RPN2: variants seen among roughly 807,000 people sequenced by gnomAD.
RPN2 encodes dolichyl-diphosphooligosaccharide--protein glycosyltransferase subunit 2.
In RPN2, 29 loss-of-function variants were observed where a neutral mutation model predicts 71.4. The ratio of observed to expected loss-of-function variants is 0.41; its 90% CI spans 0.30 to 0.55. The LOEUF (loss-of-function observed/expected upper bound fraction) is 0.55. Among genes scored for constraint, RPN2 ranks in the 20% least tolerant of loss-of-function variants. The probability of loss-of-function intolerance (pLI) is 0.35; values close to 1 mark genes in which losing one functional copy is unlikely to be tolerated. For missense variants in RPN2, 726 were observed against 774.1 expected, an observed-to-expected ratio of 0.94 and a Z score of 0.74; for synonymous variants, 308 against 305.0, an observed-to-expected ratio of 1.01 and a Z score of -0.10.
At chr20:37,215,561 TC>T (rs2067786816) in intron 9 of RPN2, among the ~76,000 whole-genome samples, 1 of 152,184 alleles carries the variant, frequency 6.6e-6, no homozygotes, top group Non-Finnish European at 1.5e-5. Context: ...AACCTCTTCT[TC>T]CCTGTACTTC....
At chr20:37,205,220 T>C (rs998215064) in intron 6 of RPN2, among the ~76,000 whole-genome samples, 9 of 151,928 alleles carry the variant, frequency 5.9e-5, no homozygotes, top group Non-Finnish European at 1.3e-4. Context: ...TTTCTGCTTG[T>C]CGCCTGAATG....
intron 7 of RPN2, among the ~76,000 whole-genome samples, chr20:37,208,407 GGTTTT>G (rs2067570645): frequency 6.6e-6 from 1 of 151,900 alleles, no homozygotes; most frequent in African/African-American, 2.4e-5. Context: ...ATATTTTTTT[GGTTTT>G]GTTTTGGTTT....
chr20:37,189,595 G>T (rs528212790), intron 2 of RPN2, among the ~76,000 whole-genome samples: 1 of 152,138 alleles, frequency 6.6e-6, no homozygotes, highest in African/African-American at 2.4e-5. Flanking sequence ...AGATACAGAC[G>T]TTTCCTCATG....
chr20:37,211,584 G>A (rs1252455837), intron 8 of RPN2, among the ~76,000 whole-genome samples: 1 of 150,730 alleles, frequency 6.6e-6, no homozygotes, highest in Non-Finnish European at 1.5e-5. Flanking sequence ...GAGGTTGGCA[G>A]TGAGCTGAGA....
intron 1 of RPN2, among the ~76,000 whole-genome samples, chr20:37,181,882 T>C (rs147884052): frequency 0.014 from 2,018 of 147,282 alleles, 21 homozygotes; most frequent in Non-Finnish European, 0.02. Context: ...TTTTTTTCCA[T>C]AGCACTTACT....
chr20:37,239,876 A>T (rs939510389), intron 16 of RPN2, among the ~76,000 whole-genome samples: 1 of 152,102 alleles, frequency 6.6e-6, no homozygotes, highest in African/African-American at 2.4e-5. Context: ...TTGCTGCTAC[A>T]TGTTGAGTTC....
chr20:37,224,257 A>G (rs550863265), intron 10 of RPN2, among the ~76,000 whole-genome samples: 129 of 152,368 alleles, frequency 8.5e-4, no homozygotes, highest in African/African-American at 2.8e-3. Context: ...TGAGTCAGTC[A>G]GCTATGTCAC....
chr20:37,213,360 T>C (rs765085178), intron 8 of RPN2, among the ~76,000 whole-genome samples: 21 of 152,286 alleles, frequency 1.4e-4, no homozygotes, highest in Non-Finnish European at 2.8e-4. Flanking sequence ...TGGTGACTCA[T>C]GCCCCAGCCT....
At position 37,210,813 on chromosome 20, in the gene RPN2, T is replaced by TTA. The variant is rs2067644232; in HGVS notation, c.986+648_986+649insTA. 2.0e-5 allele frequency among the ~76,000 whole-genome samples: 3 copies of TTA among 152,102 alleles called. No homozygotes were observed. The South Asian group carries it at 6.2e-4, about 31-fold the overall frequency. On this transcript the variant is annotated intron_variant, in intron 8 of 16. Coordinates refer to ENST00000237530, the MANE Select transcript of RPN2 (RefSeq NM_002951.5). ...TCCCTAAGTGCTGAGGTTACAGGCA[T>TTA]GAGCCACTGTGCCTGGCCTTGCTAA...
Position 37,222,918 on chromosome 20 carries a change from A to G in RPN2, c.1093-960A>G, listed in dbSNP as rs185054163. On this transcript the variant is annotated intron_variant, in intron 9 of 16. Transcript: ENST00000237530. ...ATGTTTAAGGGACATACAGAATTCA[A>G]ACACTTTAAGAGTCAACATGGATTG... Among the ~76,000 whole-genome samples the G allele has an allele frequency of 1.2e-4, 19 of 152,362 alleles. No homozygotes were observed. In the East Asian group the frequency reaches 3.7e-3, roughly 29 times the overall value.
rs35557453 is a variant in RPN2, at chr20:37,184,266, G to T, written c.100G>T (p.Val34Leu). 7 of 1,614,142 alleles carry T rather than the reference G, an allele frequency of 4.3e-6. No homozygotes were observed. The East Asian group carries it at 1.3e-4, about 31-fold the overall frequency. Residue 34 changes from valine to leucine, a missense_variant, in exon 2 of 17, where the codon GTG (valine) becomes TTG (leucine). Val to Leu is a conservative substitution (Grantham distance 32). Transcript: ENST00000237530. ...CACTCACTACCTCACCAAGCATGAC[G>T]TGGAGAGACTAAAAGCCTCGCTGGA... ...TPTHYLTKHD[V>L]ERLKASLDRP...
At chr20:37,204,657 T>G in intron 5 of RPN2, 110 bp from the exon 6 acceptor site, 1 of 1,184,642 alleles carries the variant, frequency 8.4e-7, no homozygotes, top group Admixed American at 1.7e-5. Context: ...GGTCTTCAGA[T>G]TTAGAGTGAG....
At chr20:37,186,179 G>A (rs1186526556) in intron 2 of RPN2, among the ~76,000 whole-genome samples, 1 of 152,158 alleles carries the variant, frequency 6.6e-6, no homozygotes, top group Non-Finnish European at 1.5e-5. Context: ...CACCTGTTTG[G>A]GTCAGCCCAC....
At chr20:37,192,144 C>T (rs1298130372) in intron 2 of RPN2, among the ~76,000 whole-genome samples, 2 of 152,068 alleles carry the variant, frequency 1.3e-5, no homozygotes, top group Non-Finnish European at 2.9e-5. Context: ...CCTTATAAAG[C>T]GTTGTGAGCA....
At chr20:37,186,880 A>T (rs187217001) in intron 2 of RPN2, among the ~76,000 whole-genome samples, 1 of 152,218 alleles carries the variant, frequency 6.6e-6, no homozygotes, top group Admixed American at 6.5e-5. Context: ...TTGTATCTTC[A>T]TGATGTTTTT....
chr20:37,192,480 A>C (rs1236638252), intron 2 of RPN2, among the ~76,000 whole-genome samples: 4 of 152,210 alleles, frequency 2.6e-5, no homozygotes, highest in Admixed American at 2.6e-4. Context: ...TCTGCCAAGA[A>C]AGCCACAATC....
In RPN2 at chr20:37,183,589, C is replaced by T. The variant is rs1424425090; in HGVS notation, c.14-591C>T. ...ACTGAGGCACCAGCTGGTTGAATAA[C>T]TGCCAAGGGCACATTGCTAATAAAT... On this transcript the variant is annotated intron_variant, in intron 1 of 16. Transcript: ENST00000237530. 3.9e-5 allele frequency among the ~76,000 whole-genome samples: 6 copies of T among 152,222 alleles called. No homozygotes were observed. In the East Asian group the frequency reaches 1.2e-3, roughly 29 times the overall value.
Position 37,208,267 on chromosome 20 carries a change from T to TA in RPN2, c.867+837dup, listed in dbSNP as rs33943502. On this transcript the variant is annotated intron_variant, in intron 7 of 16. Coordinates refer to ENST00000237530, the MANE Select transcript of RPN2 (RefSeq NM_002951.5). The stretch of plus-strand genomic sequence containing the variant: ...CCTGGTGACAGAGTGAGACCCTGTC[T>TA]AAAAAAAAAAAAAAAAAAATACAGG... Among the ~76,000 whole-genome samples, 187 of 141,556 alleles carry TA rather than the reference T, an allele frequency of 1.3e-3. 1 individual carries two copies. The highest frequency in any genetic ancestry group is 3.1e-3 in the Admixed American group (45 of 14,354). The allele number at this position is 141,556 out of a possible 152,430, so 92.9% of individuals were successfully genotyped here. A position where few individuals can be genotyped will look rare whatever the true frequency, so the allele number is the denominator to read the frequency against.
intron 8 of RPN2, among the ~76,000 whole-genome samples, chr20:37,212,274 G>A (rs995165750): frequency 6.6e-6 from 1 of 151,832 alleles, no homozygotes; most frequent in Non-Finnish European, 1.5e-5. Flanking sequence ...GGGAGACTCT[G>A]TCTCAAAAAC....
Sources: gnomAD v4.1 joint callset for allele counts (sites outside exome capture counted in the v4.1 genomes callset) on GRCh38, gnomAD v4.1.1 for gene constraint, MANE v1.5 for transcripts, NCBI Gene and HGNC (gene_info 2026-07-23, HGNC 2026-07-21) for gene names.